SMG6: variants seen among roughly 807,000 people sequenced by gnomAD.
The protein encoded by SMG6 is SMG6 nonsense mediated mRNA decay factor, also known as telomerase-binding protein EST1A.
Under a neutral mutation model 142.2 loss-of-function variants are expected in SMG6, and 66 were observed. The observed-to-expected ratio is 0.46, with a 90% CI of 0.38 to 0.57. The LOEUF is 0.57. Ranked by LOEUF, SMG6 falls within the 20% of genes least tolerant of loss-of-function variation. SMG6 has a pLI of 0.00. For synonymous variants in SMG6, 779 were observed against 702.4 expected (o/e 1.11, Z -1.72); for missense variants, 1,793 against 1,832.0 (o/e 0.98, Z 0.39).
intron 13 of SMG6, chr17:2,087,857 T>C (rs1314036731): frequency 1.0e-6 from 1 of 985,764 alleles, no homozygotes; most frequent in Non-Finnish European, 1.2e-6. Context: ...GCCAGTTTCC[T>C]CTCTGTGGTC....
chr17:2,118,298 G>A (rs1046061308), intron 13 of SMG6, among the ~76,000 whole-genome samples: 1 of 152,192 alleles, frequency 6.6e-6, no homozygotes. Flanking sequence ...AGCACTTTGG[G>A]AGGCTGAGGC....
Position 2,299,149 on chromosome 17 carries a change from G to A in SMG6, c.1604C>T (p.Thr535Met), listed in dbSNP as rs750794759. Residue 535 changes from threonine (T) to methionine (M), a missense_variant, in exon 2 of 19, where the codon ACG (threonine) becomes ATG (methionine). Thr to Met is a moderately conservative substitution (Grantham distance 81). This residue lies in a region of SMG6 where 1,597 missense variants were observed against 1,584.6 expected (regional missense o/e 1.01). Transcript: ENST00000263073. The surrounding 1 kb of genome is among the most constrained non-coding windows in gnomAD (Gnocchi z 4.3). The stretch of plus-strand genomic sequence containing the variant: ...GTAAGGCCCTGGGTACACACCATTC[G>A]TAGGGCCCACTGGGTACTGTAGAGG... ...YNPLQYPVGP[T>M]NGVYPGPYYP... The A allele has an allele frequency of 5.7e-5, 92 of 1,612,910 alleles. No homozygotes were observed. The highest frequency in any genetic ancestry group is 1.6e-4 in the Middle Eastern group (1 of 6,080).
chr17:2,120,035 T>C lies in SMG6; in HGVS notation c.3358-34134A>G, dbSNP rs536012509. Among the ~76,000 whole-genome samples, 417 of 151,894 alleles carry C rather than the reference T, an allele frequency of 2.7e-3. 4 individuals are homozygous for C. The highest frequency in any genetic ancestry group is 8.6e-3 in the Admixed American group (131 of 15,256). Reference sequence around the variant, plus strand: ...GTTGGTAAGGCTGGTCTTGAACTCCTGGCCTCAAGCGATCCACCCACCTCG... The same window carrying C: ...GTTGGTAAGGCTGGTCTTGAACTCCCGGCCTCAAGCGATCCACCCACCTCG... On this transcript the variant is annotated intron_variant, in intron 13 of 18. Coordinates refer to ENST00000263073, the MANE Select transcript of SMG6 (RefSeq NM_017575.5).
At chr17:2,137,046 C>T (rs1411690925) in intron 13 of SMG6, among the ~76,000 whole-genome samples, 1 of 152,084 alleles carries the variant, frequency 6.6e-6, no homozygotes, top group East Asian at 1.9e-4. Context: ...CGCCTGTAGT[C>T]CCAGCTACCT....
At chr17:2,183,745 G>GACACACACAC (rs56210030) in intron 12 of SMG6, among the ~76,000 whole-genome samples, 9 of 146,448 alleles carry the variant, frequency 6.1e-5, no homozygotes, top group South Asian at 4.5e-4. Flanking sequence ...AGGTGCGTGC[G>GACACACACAC]ACACACACAC....
intron 10 of SMG6, among the ~76,000 whole-genome samples, chr17:2,219,341 C>A (rs530737948): frequency 6.6e-6 from 1 of 152,070 alleles, no homozygotes; most frequent in East Asian, 1.9e-4. Flanking sequence ...GCCGAGATCG[C>A]GCCAACACAC....
chr17:2,287,254 T>A (rs930182921), intron 6 of SMG6, among the ~76,000 whole-genome samples: 1 of 152,192 alleles, frequency 6.6e-6, no homozygotes, highest in Admixed American at 6.5e-5. Flanking sequence ...AGGACTTGAA[T>A]AGACATTTCT....
At chr17:2,295,261 G>A (rs117904345) in intron 4 of SMG6, among the ~76,000 whole-genome samples, 1 of 152,082 alleles carries the variant, frequency 6.6e-6, no homozygotes, top group African/African-American at 2.4e-5. Context: ...CATAAATCAC[G>A]CTGCTCTCCC....
At chr17:2,151,352 T>A (rs2070818836) in intron 13 of SMG6, among the ~76,000 whole-genome samples, 1 of 152,258 alleles carries the variant, frequency 6.6e-6, no homozygotes, top group Non-Finnish European at 1.5e-5. Flanking sequence ...AAATCTGTAC[T>A]TTCATGAGCA....
chr17:2,236,603 G>A lies in SMG6; in HGVS notation c.2758C>T (p.Leu920Phe). 1 of 1,613,414 alleles carries A rather than the reference G, an allele frequency of 6.2e-7. No homozygotes were observed. Among genetic ancestry groups the A allele is most frequent in the Non-Finnish European group, 8.5e-7 (1 of 1,179,750 alleles). ...TGCAGTAACACCTGGAACTCCTTGA[G>A]GACCTTCTCAGCCACTGCAGGGAAT... ...ETFPAVAEKVLKEFQVLLQHS... is the reference protein window; with the variant it reads ...ETFPAVAEKVFKEFQVLLQHS... The change falls in exon 10 of 19, where the codon CTC (leucine) becomes TTC (phenylalanine). Residue 920 changes from leucine to phenylalanine, a missense_variant. Leu to Phe is a conservative substitution (Grantham distance 22). Around this residue, in one of 3 missense-constraint regions of SMG6, gnomAD observed 1,597 missense variants for 1,584.6 expected, o/e 1.01. Transcript: ENST00000263073.
At position 2,299,332 on chromosome 17, in the gene SMG6, A is replaced by G; in HGVS notation, c.1421T>C (p.Leu474Pro). 6.2e-7 allele frequency: 1 copy of G among 1,614,134 alleles called. No individual in the cohort carries two copies. The highest frequency in any genetic ancestry group is 8.5e-7 in the Non-Finnish European group (1 of 1,180,044). The change falls in exon 2 of 19, where the codon CTA (leucine) becomes CCA (proline). Residue 474 changes from leucine to proline, a missense_variant. Physicochemically the swap from Leu to Pro is moderately conservative, Grantham distance 98. Transcript: ENST00000263073. The surrounding 1 kb of genome is among the most constrained non-coding windows in gnomAD (Gnocchi z 4.3). The part of the protein sequence containing the change: ...KPALKTQTPQ[L>P]HFLDTDDEVS... ...TTCATCATCAGTGTCCAAGAAATGT[A>G]GCTGGGGCGTCTGAGTCTTTAGAGC...
intron 14 of SMG6, among the ~76,000 whole-genome samples, chr17:2,083,785 G>A (rs1441185218): frequency 3.3e-5 from 5 of 152,210 alleles, no homozygotes; most frequent in Non-Finnish European, 7.3e-5. Context: ...GAGCTTGACT[G>A]AGGTCAAAAG....
At chr17:2,225,979 C>A (rs1486524401) in intron 10 of SMG6, among the ~76,000 whole-genome samples, 1 of 152,152 alleles carries the variant, frequency 6.6e-6, no homozygotes. Context: ...AGAGAGAACT[C>A]TTAAGACGTA....
chr17:2,199,518 G>C (rs2072444976), intron 10 of SMG6, among the ~76,000 whole-genome samples: 1 of 151,144 alleles, frequency 6.6e-6, no homozygotes, highest in African/African-American at 2.4e-5. Context: ...TCCAGCCTGG[G>C]TGACAGACCA....
chr17:2,125,453 T>C lies in SMG6; in HGVS notation c.3358-39552A>G, dbSNP rs547921787. Among the ~76,000 whole-genome samples, 14 of 152,296 alleles carry C rather than the reference T, an allele frequency of 9.2e-5. No homozygotes were observed. The East Asian group carries it at 1.2e-3, about 13-fold the overall frequency. ...CCAATAGGATGATGATTAGCTACAA[T>C]ATGGCCAAACAAATTTAAATTTCCT... On this transcript the variant is annotated intron_variant, in intron 13 of 18. Transcript: ENST00000263073.
chr17:2,117,169 A>C (rs1439201678), intron 13 of SMG6, among the ~76,000 whole-genome samples: 1 of 151,180 alleles, frequency 6.6e-6, no homozygotes, highest in Non-Finnish European at 1.5e-5. Flanking sequence ...AACATGGCTC[A>C]CTGCAGCCTT....
At chr17:2,235,536 A>G (rs886346667) in intron 10 of SMG6, among the ~76,000 whole-genome samples, 2 of 152,082 alleles carry the variant, frequency 1.3e-5, no homozygotes, top group African/African-American at 2.4e-5. Context: ...ACCCAGCGCC[A>G]CTCTGTCAAG....
At chr17:2,150,509 T>C (rs2070793460) in intron 13 of SMG6, among the ~76,000 whole-genome samples, 1 of 148,470 alleles carries the variant, frequency 6.7e-6, no homozygotes, top group Non-Finnish European at 1.5e-5. Context: ...GGTTATGTCT[T>C]CCTGGCCCTC....
At chr17:2,130,264 C>T in intron 13 of SMG6, among the ~76,000 whole-genome samples, 1 of 14,988 alleles carries the variant, frequency 6.7e-5, no homozygotes, top group Non-Finnish European at 1.2e-4. Flanking sequence ...GAGACTCCGT[C>T]TCAAAAAAAA....
Sources: allele counts gnomAD v4.1 joint callset (sites outside exome capture counted in the v4.1 genomes callset), GRCh38; gene constraint gnomAD v4.1.1; regional missense constraint gnomAD v4.1.1; non-coding constraint Gnocchi (gnomAD v3.1); transcripts MANE v1.5; gene names NCBI Gene and HGNC (gene_info 2026-07-23, HGNC 2026-07-21).